Variants in FRMD6 observed in about 807,000 individuals in gnomAD.
The protein encoded by FRMD6 is FERM domain containing 6.
FRMD6 carries 37 observed loss-of-function variants against 73.2 expected under a neutral mutation model. The observed-to-expected ratio is 0.51, with a 90% CI of 0.39 to 0.66. The LOEUF (loss-of-function observed/expected upper bound fraction) is 0.66. Among genes scored for constraint, FRMD6 ranks in the 30% least tolerant of loss-of-function variants. The probability of loss-of-function intolerance (pLI) is 0.00; values close to 1 mark genes in which losing one functional copy is unlikely to be tolerated. For missense variants in FRMD6, 714 were observed against 780.5 expected (o/e 0.91, Z 1.02); for synonymous variants, 273 against 282.2 (o/e 0.97, Z 0.33).
chr14:51,524,141 A>G (rs1885099872), intron 1 of FRMD6, among the ~76,000 whole-genome samples: 1 of 152,206 alleles, frequency 6.6e-6, no homozygotes, highest in African/African-American at 2.4e-5. Flanking sequence ...TTTGCAGTTA[A>G]GAATCTGGAC....
intron 2 of FRMD6, among the ~76,000 whole-genome samples, chr14:51,695,647 C>G (rs8003456): frequency 0.56 from 85,626 of 152,006 alleles, 24,279 homozygotes; most frequent in East Asian, 0.65. Flanking sequence ...CAGATTCCTG[C>G]CTTTCATTCA....
the FRMD6 span, among the ~76,000 whole-genome samples, chr14:51,475,847 C>A: frequency 6.6e-6 from 1 of 152,152 alleles, no homozygotes; most frequent in Admixed American, 6.5e-5. Flanking sequence ...TGGAGAAAAG[C>A]CATATGCTGA....
chr14:51,465,502 A>G, the FRMD6 span, among the ~76,000 whole-genome samples: 16 of 152,200 alleles, frequency 1.1e-4, no homozygotes, highest in African/African-American at 3.6e-4. Context: ...TTGATTTGCA[A>G]TTTATAGAAT....
At chr14:51,556,192 G>A (rs1887119201) in intron 1 of FRMD6, among the ~76,000 whole-genome samples, 1 of 152,184 alleles carries the variant, frequency 6.6e-6, no homozygotes, top group African/African-American at 2.4e-5. Flanking sequence ...TCACAGAATA[G>A]TCAGAATGTG....
upstream of FRMD6, among the ~76,000 whole-genome samples, chr14:51,487,614 A>G (rs558270711): frequency 1.3e-5 from 2 of 152,252 alleles, no homozygotes; most frequent in Non-Finnish European, 2.9e-5. Flanking sequence ...GTGGGGAGTT[A>G]TGCTTTGTAC....
At chr14:51,715,228 A>T in intron 9 of FRMD6, 97 bp from the exon 10 acceptor site, 3 of 910,152 alleles carry the variant, frequency 3.3e-6, no homozygotes, top group Non-Finnish European at 4.8e-6. Flanking sequence ...TATACATTTC[A>T]GAATCTATAA....
chr14:51,715,691 A>C (rs1897201913), intron 10 of FRMD6, among the ~76,000 whole-genome samples, 192 bp downstream of exon 10: 2 of 152,238 alleles, frequency 1.3e-5, no homozygotes, highest in Non-Finnish European at 2.9e-5. Flanking sequence ...CACCTACTGT[A>C]GCACTTATTC....
chr14:51,662,889 C>T (rs1893322286), intron 1 of FRMD6, among the ~76,000 whole-genome samples: 1 of 151,794 alleles, frequency 6.6e-6, no homozygotes, highest in Non-Finnish European at 1.5e-5. Context: ...TATGTACTGA[C>T]AAAGGTCTAA....
the FRMD6 span, among the ~76,000 whole-genome samples, chr14:51,444,337 C>T: frequency 2.0e-5 from 3 of 152,318 alleles, no homozygotes; most frequent in Non-Finnish European, 2.9e-5. Flanking sequence ...AGCTCCTGAG[C>T]TTTGTCTCTT....
At chr14:51,581,236 T>C (rs1460774643) in intron 2 of FRMD6, among the ~76,000 whole-genome samples, 1 of 152,110 alleles carries the variant, frequency 6.6e-6, no homozygotes, top group African/African-American at 2.4e-5. Flanking sequence ...TCATCCTCAG[T>C]CTCTCCCCCA....
At chr14:51,486,029 T>TTTG (rs1882753567), upstream of FRMD6, among the ~76,000 whole-genome samples, 1 of 143,318 alleles carries the variant, frequency 7.0e-6, no homozygotes. Context: ...TTCCTTTTCT[T>TTTG]TTTTTTTTTT....
chr14:51,410,892 C>G, the FRMD6 span, among the ~76,000 whole-genome samples: 1 of 152,212 alleles, frequency 6.6e-6, no homozygotes, highest in East Asian at 1.9e-4. Context: ...GAAAACTGAA[C>G]AGTATTTTGT....
the FRMD6 span, among the ~76,000 whole-genome samples, chr14:51,410,846 G>T: frequency 6.6e-6 from 1 of 152,124 alleles, no homozygotes; most frequent in African/African-American, 2.4e-5. Flanking sequence ...CTATATCTGT[G>T]TGTAATGTAA....
chr14:51,710,737 ATTTAC>A (rs1896896229), intron 7 of FRMD6, among the ~76,000 whole-genome samples: 1 of 152,146 alleles, frequency 6.6e-6, no homozygotes, highest in Admixed American at 6.6e-5. Flanking sequence ...TAATGAAAAT[ATTTAC>A]TTAGTAATTT....
chr14:51,672,649 T>C (rs140343793), intron 1 of FRMD6, among the ~76,000 whole-genome samples: 1 of 152,222 alleles, frequency 6.6e-6, no homozygotes, highest in African/African-American at 2.4e-5. Flanking sequence ...TTTATTTTTA[T>C]CTTTTAATTC....
chr14:51,438,907 C>G, the FRMD6 span, among the ~76,000 whole-genome samples: 1 of 152,120 alleles, frequency 6.6e-6, no homozygotes, highest in Admixed American at 6.6e-5. Flanking sequence ...GATGGGCTCT[C>G]AGAGTAAGAA....
At chr14:51,428,536 C>T in the FRMD6 span, among the ~76,000 whole-genome samples, 2 of 152,228 alleles carry the variant, frequency 1.3e-5, no homozygotes, top group African/African-American at 4.8e-5. Context: ...TTCATATGCA[C>T]CAAGACATGA....
intron 6 of FRMD6, among the ~76,000 whole-genome samples, chr14:51,707,574 T>C (rs1023874019): frequency 2.6e-5 from 4 of 152,202 alleles, no homozygotes. Flanking sequence ...CAGCCTCTTA[T>C]GCAAGAACCA....
chr14:51,692,001 A>T (rs1015991150), intron 2 of FRMD6, among the ~76,000 whole-genome samples: 5 of 152,180 alleles, frequency 3.3e-5, no homozygotes, highest in Admixed American at 2.0e-4. Context: ...AGCTAAGAAA[A>T]GTTTCTGCTT....
Sources: gnomAD v4.1 joint callset for allele counts (sites outside exome capture counted in the v4.1 genomes callset) on GRCh38, gnomAD v4.1.1 for gene constraint, MANE v1.5 for transcripts, NCBI Gene and HGNC (gene_info 2026-07-23, HGNC 2026-07-21) for gene names.